Variants in TOP6BL observed in about 807,000 individuals in gnomAD.
The protein encoded by TOP6BL is type 2 DNA topoisomerase 6 subunit B-like.
the TOP6BL span, among the ~76,000 whole-genome samples, chr11:66,751,257 G>A: frequency 6.6e-6 from 1 of 152,048 alleles, no homozygotes; most frequent in Non-Finnish European, 1.5e-5. Flanking sequence ...AGTGGCGCCA[G>A]GATCTCGGCT....
At chr11:66,803,515 G>T in the TOP6BL span, among the ~76,000 whole-genome samples, 1 of 152,136 alleles carries the variant, frequency 6.6e-6, no homozygotes, top group African/African-American at 2.4e-5. Flanking sequence ...TGCAACCTCC[G>T]CTTCCCAGGT....
At chr11:66,822,240 C>T in the TOP6BL span, among the ~76,000 whole-genome samples, 1 of 152,124 alleles carries the variant, frequency 6.6e-6, no homozygotes, top group South Asian at 2.1e-4. Context: ...AAAAAACAAC[C>T]ACACTAAGAG....
chr11:66,821,162 T>A, the TOP6BL span, among the ~76,000 whole-genome samples: 1 of 152,340 alleles, frequency 6.6e-6, no homozygotes, highest in South Asian at 2.1e-4. Context: ...TGATAATTTG[T>A]ACACCTCTGT....
the TOP6BL span, among the ~76,000 whole-genome samples, chr11:66,797,181 G>A: frequency 2.6e-5 from 4 of 151,634 alleles, no homozygotes; most frequent in African/African-American, 9.7e-5. Context: ...TGTATTTTCA[G>A]TAGAGACAGG....
At chr11:66,755,121 A>G in the TOP6BL span, among the ~76,000 whole-genome samples, 1,621 of 140,768 alleles carry the variant, frequency 0.012, 37 homozygotes, top group African/African-American at 0.039. Flanking sequence ...TAGTTTCTAG[A>G]TTTTTTTTTT....
the TOP6BL span, among the ~76,000 whole-genome samples, chr11:66,831,445 C>A: frequency 6.6e-6 from 1 of 152,152 alleles, no homozygotes; most frequent in African/African-American, 2.4e-5. Context: ...TTGATACACA[C>A]AGTGACATGG....
chr11:66,781,879 T>C, the TOP6BL span, among the ~76,000 whole-genome samples: 1 of 152,308 alleles, frequency 6.6e-6, no homozygotes, highest in Admixed American at 6.5e-5. Flanking sequence ...GACTGTGGGT[T>C]ATCATTTCCT....
chr11:66,815,299 G>C, the TOP6BL span, among the ~76,000 whole-genome samples: 1 of 152,134 alleles, frequency 6.6e-6, no homozygotes, highest in East Asian at 1.9e-4. Flanking sequence ...AATAACGTAG[G>C]AAATGTCCTC....
the TOP6BL span, chr11:66,804,161 A>T: frequency 6.2e-7 from 1 of 1,612,532 alleles, no homozygotes. Context: ...GGTTTCTTCC[A>T]ACCAGCTTAA....
At chr11:66,805,655 A>G in the TOP6BL span, among the ~76,000 whole-genome samples, 1 of 152,092 alleles carries the variant, frequency 6.6e-6, no homozygotes, top group South Asian at 2.1e-4. Context: ...GAGTTTCACC[A>G]TGTTGCCCAG....
the TOP6BL span, among the ~76,000 whole-genome samples, chr11:66,841,906 C>T: frequency 6.6e-6 from 1 of 152,204 alleles, no homozygotes; most frequent in Non-Finnish European, 1.5e-5. Context: ...GCATATCACT[C>T]TTCATCCTTC....
chr11:66,754,415 T>C, the TOP6BL span, among the ~76,000 whole-genome samples: 1 of 152,196 alleles, frequency 6.6e-6, no homozygotes, highest in Non-Finnish European at 1.5e-5. Flanking sequence ...TTTTTTAAAG[T>C]TTTCTTTTCT....
chr11:66,816,141 G>C, the TOP6BL span: 59 of 1,607,272 alleles, frequency 3.7e-5, no homozygotes, highest in Admixed American at 6.8e-5. Context: ...AAACTCTGCT[G>C]CTTTTTCTCT....
chr11:66,843,219 C>T, the TOP6BL span: 30 of 1,610,260 alleles, frequency 1.9e-5, no homozygotes, highest in Non-Finnish European at 2.5e-5. Flanking sequence ...GGCTGAGTCC[C>T]AGCCCTGGGC....
At chr11:66,838,237 G>A in the TOP6BL span, 1 of 698,180 alleles carries the variant, frequency 1.4e-6, no homozygotes, top group Non-Finnish European at 2.5e-6. Flanking sequence ...CATGAGCCAG[G>A]AGGAAGAGGG....
At chr11:66,822,753 C>G in the TOP6BL span, 3 of 1,024,342 alleles carry the variant, frequency 2.9e-6, no homozygotes, top group East Asian at 5.3e-5. Flanking sequence ...CCTATAATCG[C>G]AGCACTTTGG....
the TOP6BL span, chr11:66,843,209 GGCTGAGTCCCAGCCCTGGGCCCTGA>G: frequency 6.2e-7 from 1 of 1,610,846 alleles, no homozygotes; most frequent in Non-Finnish European, 8.5e-7. Flanking sequence ...CTGTCAGAGT[GGCTGAGTCCCAGCCCTGGGCCCTGA>G]GCCGGGTCCC....
chr11:66,781,612 C>T, the TOP6BL span, among the ~76,000 whole-genome samples: 1 of 152,184 alleles, frequency 6.6e-6, no homozygotes, highest in Non-Finnish European at 1.5e-5. Flanking sequence ...GTCATAGCTC[C>T]TGCAGCCTCC....
the TOP6BL span, among the ~76,000 whole-genome samples, chr11:66,819,422 T>C: frequency 6.6e-6 from 1 of 152,324 alleles, no homozygotes; most frequent in Non-Finnish European, 1.5e-5. Flanking sequence ...CCAATCTAGA[T>C]GATACATTAA....
Sources: allele counts gnomAD v4.1 joint callset (sites outside exome capture counted in the v4.1 genomes callset), GRCh38; gene constraint gnomAD v4.1.1; transcripts MANE v1.5; gene names NCBI Gene and HGNC (gene_info 2026-07-23, HGNC 2026-07-21).